SPPL3: variants seen among roughly 807,000 people sequenced by gnomAD.
The protein encoded by SPPL3 is signal peptide peptidase-like 3.
Under a neutral mutation model 42.4 loss-of-function variants are expected in SPPL3, and 5 were observed. The ratio of observed to expected loss-of-function variants is 0.12; its 90% CI spans 0.06 to 0.25. The LOEUF (loss-of-function observed/expected upper bound fraction) is 0.25. Among genes scored for constraint, SPPL3 ranks in the 10% least tolerant of loss-of-function variants. The pLI is 1.00. For missense variants in SPPL3, 235 were observed against 489.0 expected (o/e 0.48, Z 4.90); for synonymous variants, 195 against 181.8 (o/e 1.07, Z -0.58).
intron 1 of SPPL3, among the ~76,000 whole-genome samples, chr12:120,886,638 G>T (rs186337056): frequency 6.6e-6 from 1 of 152,244 alleles, no homozygotes; most frequent in East Asian, 1.9e-4. Flanking sequence ...CCAAAAATCT[G>T]AGCTATGAGG....
At chr12:120,833,661 T>A (rs2137019822) in intron 1 of SPPL3, among the ~76,000 whole-genome samples, 1 of 111,714 alleles carries the variant, frequency 9.0e-6, no homozygotes, top group South Asian at 2.7e-4. Flanking sequence ...TGAGACTCCA[T>A]CTCTCCAAAA....
At chr12:120,849,609 T>C (rs1047543818) in intron 1 of SPPL3, among the ~76,000 whole-genome samples, 2 of 152,266 alleles carry the variant, frequency 1.3e-5, no homozygotes, top group Admixed American at 6.5e-5. Flanking sequence ...AAGTGATTTT[T>C]GCACGTGGCA....
chr12:120,890,206 G>A (rs1419078668), intron 1 of SPPL3, among the ~76,000 whole-genome samples: 1 of 151,960 alleles, frequency 6.6e-6, no homozygotes, highest in Non-Finnish European at 1.5e-5. Flanking sequence ...CCGAGATTGC[G>A]CCATAGCACT....
At chr12:120,886,692 A>G (rs1873469663) in intron 1 of SPPL3, among the ~76,000 whole-genome samples, 1 of 152,204 alleles carries the variant, frequency 6.6e-6, no homozygotes, top group African/African-American at 2.4e-5. Context: ...TCCCCACTGA[A>G]AGAAAACCCG....
chr12:120,886,880 T>C (rs530507668), intron 1 of SPPL3, among the ~76,000 whole-genome samples: 1 of 152,190 alleles, frequency 6.6e-6, no homozygotes, highest in East Asian at 1.9e-4. Context: ...TACTGAGCAC[T>C]TGAAATGTGG....
At position 120,887,743 on chromosome 12, in the gene SPPL3, A is replaced by G. The variant is rs144249471; in HGVS notation, c.23+16102T>C. Among the ~76,000 whole-genome samples the G allele has an allele frequency of 4.0e-3, 607 of 152,336 alleles. 3 individuals are homozygous for G. Among genetic ancestry groups the G allele is most frequent in the African/African-American group, 0.013 (546 of 41,566 alleles). ...TAAAAACAATCAGACCTAACATTTT[A>G]AACTACTGCTTTTTTCCTCTACAAA... On this transcript the variant is annotated intron_variant, in intron 1 of 10. Coordinates refer to ENST00000353487, the MANE Select transcript of SPPL3 (RefSeq NM_139015.5).
intron 6 of SPPL3, among the ~76,000 whole-genome samples, chr12:120,781,989 C>T (rs938224070): frequency 4.0e-5 from 6 of 150,212 alleles, no homozygotes; most frequent in Admixed American, 2.6e-4. Context: ...GGGATCCTCC[C>T]GCCTCAGCCT....
chr12:120,852,304 TTTA>T (rs1270461960), intron 1 of SPPL3, among the ~76,000 whole-genome samples: 7 of 147,860 alleles, frequency 4.7e-5, no homozygotes, highest in East Asian at 3.9e-4. Context: ...GATATATATC[TTTA>T]TTATATTTAT....
chr12:120,893,668 T>C (rs1873713861), intron 1 of SPPL3, among the ~76,000 whole-genome samples: 1 of 152,178 alleles, frequency 6.6e-6, no homozygotes, highest in African/African-American at 2.4e-5. Context: ...CTTCATTCTC[T>C]CTGAATCCTT....
Position 120,816,119 on chromosome 12 carries a change from CAT to C in SPPL3, c.24-5235_24-5234del, listed in dbSNP as rs1870865808. ...AGGAGCTGTAGCTACTGACTTTCTT[CAT>C]AGTCTGTTTTTCTAGATGAAGGTTT... On this transcript the variant is annotated intron_variant, in intron 1 of 10. Coordinates refer to ENST00000353487, the MANE Select transcript of SPPL3 (RefSeq NM_139015.5). Among the ~76,000 whole-genome samples the C allele has an allele frequency of 3.3e-5, 5 of 152,308 alleles. No homozygotes were observed. In the South Asian group the frequency reaches 1.0e-3, roughly 32 times the overall value.
chr12:120,844,144 C>T lies in SPPL3; in HGVS notation c.24-33258G>A, dbSNP rs79313091. Among the ~76,000 whole-genome samples, 54 of 152,230 alleles carry T rather than the reference C, an allele frequency of 3.5e-4. 1 individual carries two copies. In the East Asian group the frequency reaches 0.01, roughly 28 times the overall value. On this transcript the variant is annotated intron_variant, in intron 1 of 10. Coordinates refer to ENST00000353487, the MANE Select transcript of SPPL3 (RefSeq NM_139015.5). Reference sequence around the variant, plus strand: ...TAAACTTAAAATGGACAAAATAGAACTCTCGATTTTTCTCAAAAACCTGCT... The same window carrying T: ...TAAACTTAAAATGGACAAAATAGAATTCTCGATTTTTCTCAAAAACCTGCT...
rs57779322 is a variant in SPPL3 at position 120,778,111 on chromosome 12, AT to A, written c.502+4543del. On this transcript the variant is annotated intron_variant, in intron 6 of 10. Transcript: ENST00000353487. Reference sequence around the variant, plus strand: ...TTATTTCCAAAATGACTGAAAAGCAATTTTTTTTTTTTTTTTTTTTTTTGAG... The same window carrying A: ...TTATTTCCAAAATGACTGAAAAGCAATTTTTTTTTTTTTTTTTTTTTTGAG... Among the ~76,000 whole-genome samples the A allele has an allele frequency of 7.6e-4, 69 of 90,940 alleles. 1 individual carries two copies. The highest frequency in any genetic ancestry group is 1.8e-3 in the African/African-American group (42 of 22,996). The allele number at this position is 90,940 out of a possible 152,430, so 59.7% of individuals were successfully genotyped here. A position where few individuals can be genotyped will look rare whatever the true frequency, so the allele number is the denominator to read the frequency against.
At chr12:120,863,730 C>T (rs1490960011) in intron 1 of SPPL3, among the ~76,000 whole-genome samples, 4 of 151,288 alleles carry the variant, frequency 2.6e-5, no homozygotes, top group African/African-American at 9.7e-5. Flanking sequence ...TAGCCTCGAA[C>T]TCCTGGGCTG....
chr12:120,897,982 CAATAT>C (rs1187649873), intron 1 of SPPL3, among the ~76,000 whole-genome samples: 1 of 152,060 alleles, frequency 6.6e-6, no homozygotes, highest in Non-Finnish European at 1.5e-5. Context: ...TACATCACCT[CAATAT>C]AATACAGCCC....
intron 1 of SPPL3, among the ~76,000 whole-genome samples, chr12:120,887,770 C>T (rs564456972): frequency 2.0e-5 from 3 of 152,202 alleles, no homozygotes; most frequent in African/African-American, 7.2e-5. Flanking sequence ...CTCTACAAAC[C>T]CTTAATTAAA....
intron 1 of SPPL3, among the ~76,000 whole-genome samples, chr12:120,886,701 C>T (rs962254173): frequency 2.0e-5 from 3 of 152,094 alleles, no homozygotes; most frequent in Admixed American, 2.0e-4. Context: ...AAAGAAAACC[C>T]GGCAGTAACA....
At chr12:120,813,375 T>C (rs1870751461) in intron 1 of SPPL3, among the ~76,000 whole-genome samples, 1 of 149,472 alleles carries the variant, frequency 6.7e-6, no homozygotes, top group African/African-American at 2.5e-5. Flanking sequence ...TGGAGTGCAA[T>C]GGCACGATCT....
intron 1 of SPPL3, among the ~76,000 whole-genome samples, chr12:120,855,892 A>G (rs944157370): frequency 1.3e-5 from 2 of 152,196 alleles, no homozygotes; most frequent in Non-Finnish European, 2.9e-5. Context: ...CACCATGAAC[A>G]TGCTTTCTGG....
intron 2 of SPPL3, among the ~76,000 whole-genome samples, chr12:120,800,011 T>C (rs749856314): frequency 1.5e-4 from 23 of 152,346 alleles, no homozygotes; most frequent in South Asian, 4.1e-4. Context: ...ATTAAGTGCA[T>C]AGACATCAGA....
Sources: gnomAD v4.1 joint callset for allele counts (sites outside exome capture counted in the v4.1 genomes callset) on GRCh38, gnomAD v4.1.1 for gene constraint, MANE v1.5 for transcripts, NCBI Gene and HGNC (gene_info 2026-07-23, HGNC 2026-07-21) for gene names.